Variants in PPFIBP2 observed in about 807,000 individuals in gnomAD.
PPFIBP2 encodes liprin-beta-2.
In PPFIBP2, 118 loss-of-function variants were observed where a neutral mutation model predicts 118.3. The ratio of observed to expected loss-of-function variants is 1.00; its 90% confidence interval spans 0.86 to 1.16. PPFIBP2 has a LOEUF of 1.16. Among genes scored for constraint, PPFIBP2 ranks in the 50% most tolerant of loss-of-function variants. The pLI, the probability that PPFIBP2 is intolerant of heterozygous loss-of-function variation, is 0.00. For synonymous variants in PPFIBP2, 414 were observed against 397.4 expected, an observed-to-expected ratio of 1.04 and a Z score of -0.50; for missense variants, 1,195 against 1,073.1, an observed-to-expected ratio of 1.11 and a Z score of -1.59.
At chr11:7,663,362 T>C in the PPFIBP2 span, among the ~76,000 whole-genome samples, 1 of 151,666 alleles carries the variant, frequency 6.6e-6, no homozygotes, top group Non-Finnish European at 1.5e-5. Context: ...GTTTTCCTTC[T>C]AACAGACAGG....
chr11:7,616,526 A>G lies in PPFIBP2; in HGVS notation c.619-4409A>G, dbSNP rs1231222736. Among the ~76,000 whole-genome samples, 2 of 152,218 alleles carry G rather than the reference A, an allele frequency of 1.3e-5. No individual in the cohort carries two copies. The highest frequency in any genetic ancestry group is 4.1e-4 in the South Asian group (2 of 4,832). On this transcript the variant is annotated intron_variant, in intron 6 of 23. Transcript: ENST00000299492. This position sits in a 1 kb window ranked among gnomAD's most constrained non-coding sequence, Gnocchi z 5.2. The stretch of plus-strand genomic sequence containing the variant: ...GTCGTGTGGTAGACCAGGTAAATCC[A>G]CATTTCAGTGAAGTGTTGCAAAAAC...
At chr11:7,527,926 T>C (rs964180010) in intron 1 of PPFIBP2, among the ~76,000 whole-genome samples, 1 of 152,192 alleles carries the variant, frequency 6.6e-6, no homozygotes, top group Non-Finnish European at 1.5e-5. Flanking sequence ...CATCAGGCAT[T>C]GAGCACAGAG....
chr11:7,662,632 T>A, the PPFIBP2 span, among the ~76,000 whole-genome samples: 1 of 147,268 alleles, frequency 6.8e-6, no homozygotes, highest in Non-Finnish European at 1.5e-5. Flanking sequence ...TGTCTTGGAG[T>A]TGCTCTTCTC....
At chr11:7,562,956 T>TAC (rs1372502244) in intron 2 of PPFIBP2, among the ~76,000 whole-genome samples, 1 of 44,370 alleles carries the variant, frequency 2.3e-5, no homozygotes, top group East Asian at 4.4e-4. Flanking sequence ...TATATATATA[T>TAC]ATATATATAT....
At chr11:7,651,302 A>G (rs1356735951) in intron 22 of PPFIBP2, 1 of 338,060 alleles carries the variant, frequency 3.0e-6, no homozygotes, top group Non-Finnish European at 5.5e-6. Context: ...CACTTGCTGC[A>G]ATAGGATCCC....
rs74669367 is a variant in PPFIBP2, at chr11:7,599,207, C to T, written c.486+1534C>T. Among the ~76,000 whole-genome samples, 807 of 151,084 alleles carry T rather than the reference C, an allele frequency of 5.3e-3. 6 individuals carry two copies. The highest frequency in any genetic ancestry group is 9.0e-3 in the Non-Finnish European group (613 of 67,884). On this transcript the variant is annotated intron_variant, in intron 5 of 23. Coordinates refer to ENST00000299492, the MANE Select transcript of PPFIBP2 (RefSeq NM_003621.5). ...GTATTTTCACAAAGAGTGCAGAAAA[C>T]AACCTACTAGATTGTGTTTTCAAGT...
intron 14 of PPFIBP2, among the ~76,000 whole-genome samples, chr11:7,638,808 A>G (rs1447976286): frequency 1.3e-5 from 2 of 152,184 alleles, no homozygotes; most frequent in African/African-American, 2.4e-5. Flanking sequence ...TCTTTACCAA[A>G]TAAGTGCTAT....
chr11:7,590,984 T>C (rs1859175767), intron 3 of PPFIBP2, among the ~76,000 whole-genome samples: 1 of 151,860 alleles, frequency 6.6e-6, no homozygotes, highest in African/African-American at 2.4e-5. Flanking sequence ...TGTTAACTGA[T>C]TGTGCCTCTC....
intron 3 of PPFIBP2, chr11:7,572,177 G>C (rs1359634255): frequency 1.3e-5 from 2 of 152,216 alleles, no homozygotes; most frequent in African/African-American, 4.8e-5. Flanking sequence ...TGACTGCAGT[G>C]CCTTCTGCTG....
At chr11:7,548,867 G>A (rs1385708244) in intron 1 of PPFIBP2, among the ~76,000 whole-genome samples, 17 of 152,150 alleles carry the variant, frequency 1.1e-4, no homozygotes, top group Admixed American at 1.1e-3. Flanking sequence ...CTTGTGGCCT[G>A]TAGACTTCCT....
At chr11:7,644,264 A>G (rs2135934469) in intron 17 of PPFIBP2, among the ~76,000 whole-genome samples, 1 of 152,332 alleles carries the variant, frequency 6.6e-6, no homozygotes, top group South Asian at 2.1e-4. Flanking sequence ...TTATGTTTAT[A>G]TAGAATTAGG....
In PPFIBP2 at chr11:7,616,157, A is replaced by G. The variant is rs1348871730; in HGVS notation, c.619-4778A>G. On this transcript the variant is annotated intron_variant, in intron 6 of 23. Transcript: ENST00000299492. This position sits in a 1 kb window ranked among gnomAD's most constrained non-coding sequence, Gnocchi z 5.2. Reference sequence around the variant, plus strand: ...ACACACACATACACACGCACACACAAACACCCACACACAGTTATGTTCTTA... The same window carrying G: ...ACACACACATACACACGCACACACAGACACCCACACACAGTTATGTTCTTA... Among the ~76,000 whole-genome samples, 1 of 151,630 alleles carries G rather than the reference A, an allele frequency of 6.6e-6. No homozygotes were observed. Among genetic ancestry groups the G allele is most frequent in the Non-Finnish European group, 1.5e-5 (1 of 67,974 alleles).
Position 7,653,405 on chromosome 11 carries a change from G to T in PPFIBP2, c.*187G>T. 1 of 1,491,848 alleles carries T rather than the reference G, an allele frequency of 6.7e-7. No homozygotes were observed. The highest frequency in any genetic ancestry group is 1.4e-5 in the African/African-American group (1 of 72,262). The allele number at this position is 1,491,848 out of a possible 1,614,324, so 92.4% of individuals were successfully genotyped here. On this transcript the variant is annotated 3_prime_UTR_variant, in exon 24 of 24. Transcript: ENST00000299492. ...AGGATCTGGAGCTGCATCTCTAAGGGGCCAGGCTTTGGGGACCATTGCCAA... is the reference window on the plus strand; with the variant it reads ...AGGATCTGGAGCTGCATCTCTAAGGTGCCAGGCTTTGGGGACCATTGCCAA...
rs369135371 is a variant in PPFIBP2, at chr11:7,632,159, A to G, written c.1069-708A>G. On this transcript the variant is annotated intron_variant, in intron 11 of 23. Coordinates refer to ENST00000299492, the MANE Select transcript of PPFIBP2 (RefSeq NM_003621.5). ...ATTAGCTCATGGTCTTTCCCCCTGT[A>G]ATGTTCTTTCCTTTCTTGCCTTAAC... Among the ~76,000 whole-genome samples, 38 of 152,232 alleles carry G rather than the reference A, an allele frequency of 2.5e-4. No individual in the cohort carries two copies. The South Asian group carries it at 7.3e-3, about 29-fold the overall frequency.
At chr11:7,606,713 C>T (rs1429529316) in intron 5 of PPFIBP2, among the ~76,000 whole-genome samples, 1 of 152,022 alleles carries the variant, frequency 6.6e-6, no homozygotes, top group East Asian at 1.9e-4. Context: ...ATATTGTCTT[C>T]ATCAGCTGGA....
At chr11:7,592,848 A>G in intron 3 of PPFIBP2, among the ~76,000 whole-genome samples, 1 of 152,218 alleles carries the variant, frequency 6.6e-6, no homozygotes, top group Admixed American at 6.5e-5. Flanking sequence ...TGTCAAGTCA[A>G]GCACTGCTGG....
intron 4 of PPFIBP2, among the ~76,000 whole-genome samples, 195 bp downstream of exon 4, chr11:7,593,419 G>A (rs1032635934): frequency 2.6e-5 from 4 of 151,936 alleles, no homozygotes; most frequent in African/African-American, 9.7e-5. Context: ...ACTTGGCTTA[G>A]GGGGGCTGTG....
intron 5 of PPFIBP2, among the ~76,000 whole-genome samples, chr11:7,598,650 C>T (rs776489930): frequency 2.3e-4 from 35 of 152,268 alleles, no homozygotes; most frequent in Middle Eastern, 3.4e-3. Flanking sequence ...AAGGTACTCA[C>T]AATTACTTAA....
intron 3 of PPFIBP2, among the ~76,000 whole-genome samples, chr11:7,571,259 C>T (rs1337411942): frequency 6.6e-6 from 1 of 152,082 alleles, no homozygotes; most frequent in Non-Finnish European, 1.5e-5. Context: ...AGCACAGCCA[C>T]CCCCCCTTCT....
Sources: gnomAD v4.1 joint callset for allele counts (sites outside exome capture counted in the v4.1 genomes callset) on GRCh38, gnomAD v4.1.1 for gene constraint, Gnocchi (gnomAD v3.1) non-coding constraint, MANE v1.5 for transcripts, NCBI Gene and HGNC (gene_info 2026-07-23, HGNC 2026-07-21) for gene names.